The following ARHGAP42 variants were observed in gnomAD, a reference collection of about 807,000 sequenced individuals.
ARHGAP42 encodes the protein Rho GTPase activating protein 42.
ARHGAP42 carries 63 observed loss-of-function variants against 125.0 expected under a neutral mutation model. The ratio of observed to expected loss-of-function variants is 0.50; its 90% confidence interval spans 0.41 to 0.62. The LOEUF is 0.62. Ranked by LOEUF, ARHGAP42 falls within the 20% of genes least tolerant of loss-of-function variation. ARHGAP42 has a pLI of 0.00. For missense variants in ARHGAP42, 766 were observed against 1,024.2 expected, an observed-to-expected ratio of 0.75 and a Z score of 3.44; for synonymous variants, 339 against 351.0, an observed-to-expected ratio of 0.97 and a Z score of 0.38.
intron 6 of ARHGAP42, among the ~76,000 whole-genome samples, chr11:100,927,925 A>C (rs1214305818): frequency 6.6e-6 from 1 of 152,108 alleles, no homozygotes; most frequent in Non-Finnish European, 1.5e-5. Flanking sequence ...GCCACTTTCC[A>C]TTCTTGGCTC....
intron 1 of ARHGAP42, among the ~76,000 whole-genome samples, chr11:100,731,917 ACTCT>A (rs781782242): frequency 1.4e-5 from 2 of 146,466 alleles, no homozygotes; most frequent in Non-Finnish European, 3.0e-5. Flanking sequence ...AGCACTTATC[ACTCT>A]CTAACACATT....
At chr11:100,742,811 T>A (rs761136626) in intron 1 of ARHGAP42, among the ~76,000 whole-genome samples, 53 of 152,196 alleles carry the variant, frequency 3.5e-4, no homozygotes, top group Non-Finnish European at 5.7e-4. Context: ...CCTTTTATCA[T>A]TATATTATGA....
At chr11:100,850,740 T>C (rs895296254) in intron 3 of ARHGAP42, among the ~76,000 whole-genome samples, 1 of 152,188 alleles carries the variant, frequency 6.6e-6, no homozygotes, top group African/African-American at 2.4e-5. Flanking sequence ...TGTACTTCTT[T>C]ATACTTAAAC....
At chr11:100,863,357 A>C (rs1865493115) in intron 4 of ARHGAP42, among the ~76,000 whole-genome samples, 1 of 152,196 alleles carries the variant, frequency 6.6e-6, no homozygotes, top group Non-Finnish European at 1.5e-5. Context: ...CTTCCACTGC[A>C]GTCAGCGACC....
At chr11:100,920,038 G>A (rs1220624345) in intron 5 of ARHGAP42, among the ~76,000 whole-genome samples, 1 of 152,168 alleles carries the variant, frequency 6.6e-6, no homozygotes, top group Non-Finnish European at 1.5e-5. Context: ...GTTCCAATAA[G>A]CGATGGTAAG....
intron 3 of ARHGAP42, among the ~76,000 whole-genome samples, chr11:100,822,874 A>G (rs141976807): frequency 0.014 from 2,153 of 152,252 alleles, 50 homozygotes; most frequent in African/African-American, 0.05. Context: ...ATTTATCCAT[A>G]TATAGCAGCC....
intron 3 of ARHGAP42, among the ~76,000 whole-genome samples, chr11:100,847,590 G>A (rs1044635422): frequency 1.3e-5 from 2 of 152,122 alleles, no homozygotes; most frequent in Non-Finnish European, 2.9e-5. Context: ...ATATAGGTGG[G>A]TCGTGAAACA....
At chr11:100,781,360 T>G (rs759299005) in intron 2 of ARHGAP42, among the ~76,000 whole-genome samples, 3 of 152,030 alleles carry the variant, frequency 2.0e-5, no homozygotes, top group Non-Finnish European at 4.4e-5. Flanking sequence ...AAATCACAAC[T>G]TTAGTATAGT....
chr11:100,930,037 T>G (rs1867531303), intron 6 of ARHGAP42, among the ~76,000 whole-genome samples: 1 of 152,246 alleles, frequency 6.6e-6, no homozygotes, highest in Non-Finnish European at 1.5e-5. Flanking sequence ...CCCTTGGGAA[T>G]AATAAAGTGC....
intron 3 of ARHGAP42, among the ~76,000 whole-genome samples, chr11:100,811,225 G>C (rs1864134488): frequency 6.6e-6 from 1 of 152,192 alleles, no homozygotes. Flanking sequence ...CAAAGTGCTA[G>C]GATGATAGGC....
chr11:100,770,402 A>G lies in ARHGAP42; in HGVS notation c.214A>G (p.Ile72Val). ...ATTGCAAGATTTCCAGTTTGAATGT[A>G]TTGGTGATGCTGAAACAGATGATGA... ...QSLQDFQFEC[I>V]GDAETDDEIS... The change falls in exon 2 of 24, where the codon ATT becomes GTT. Residue 72 changes from isoleucine to valine, a missense_variant. Transcript: ENST00000298815. The G allele has an allele frequency of 6.4e-7, 1 of 1,550,752 alleles. No homozygotes were observed. Among genetic ancestry groups the G allele is most frequent in the Non-Finnish European group, 8.7e-7 (1 of 1,146,490 alleles).
At position 100,921,585 on chromosome 11, in the gene ARHGAP42, A is replaced by T; in HGVS notation, c.578A>T (p.Lys193Met). ...ATTCAAGAGGTCCAAGAAAAAAAGA[A>T]GTTTGAATTTGTTGAACCGGTAAGT... ...FKIQEVQEKK[K>M]FEFVEPLLSF... The change falls in exon 6 of 24, where the codon AAG (lysine) becomes ATG (methionine). Residue 193 changes from lysine (K) to methionine (M), a missense_variant. Transcript: ENST00000298815. 1 of 1,541,928 alleles carries T rather than the reference A, an allele frequency of 6.5e-7. No homozygotes were observed. The highest frequency in any genetic ancestry group is 8.8e-7 in the Non-Finnish European group (1 of 1,141,618).
In ARHGAP42 at chr11:100,780,485, G is replaced by T. The variant is rs76977758; in HGVS notation, c.250+10047G>T. Among the ~76,000 whole-genome samples, 645 of 152,290 alleles carry T rather than the reference G, an allele frequency of 4.2e-3. 3 individuals are homozygous for T. Among genetic ancestry groups the T allele is most frequent in the African/African-American group, 0.015 (610 of 41,548 alleles). ...AAGCAATATTGCTGGTGCATTTGTG[G>T]ATATGGGCAGAACAGTGATGAAGTT... On this transcript the variant is annotated intron_variant, in intron 2 of 23. Coordinates refer to ENST00000298815, the MANE Select transcript of ARHGAP42 (RefSeq NM_152432.4).
At chr11:100,938,672 T>G (rs185642571) in intron 8 of ARHGAP42, among the ~76,000 whole-genome samples, 1 of 152,280 alleles carries the variant, frequency 6.6e-6, no homozygotes, top group East Asian at 1.9e-4. Flanking sequence ...CTCCTGTCTG[T>G]TCCCACCTAT....
At position 100,989,051 on chromosome 11, in the gene ARHGAP42, T is replaced by C; in HGVS notation, c.*250T>C. 2.0e-6 allele frequency: 1 copy of C among 488,792 alleles called. No individual in the cohort carries two copies. The highest frequency in any genetic ancestry group is 3.6e-6 in the Non-Finnish European group (1 of 273,978). 30.3% of individuals were successfully genotyped at this position (488,792 alleles called of 1,614,324 possible). A position where few individuals can be genotyped will look rare whatever the true frequency, so the allele number is the denominator to read the frequency against. Reference sequence around the variant, plus strand: ...GTGAAAAATGTGTTTTTGGATAATATGTAACTCTCCACAATGTCGCTTCCG... The same window carrying C: ...GTGAAAAATGTGTTTTTGGATAATACGTAACTCTCCACAATGTCGCTTCCG... On this transcript the variant is annotated 3_prime_UTR_variant, in exon 24 of 24. Transcript: ENST00000298815.
chr11:100,937,626 G>A (rs77751843), intron 8 of ARHGAP42, among the ~76,000 whole-genome samples: 2,886 of 152,176 alleles, frequency 0.019, 39 homozygotes, highest in Middle Eastern at 0.034. Context: ...GGTAGAGGAG[G>A]TACCATCCTT....
intron 17 of ARHGAP42, among the ~76,000 whole-genome samples, chr11:100,972,085 G>A (rs555152226): frequency 7.9e-5 from 12 of 152,288 alleles, no homozygotes; most frequent in African/African-American, 2.6e-4. Flanking sequence ...TAAGGAAAAC[G>A]TCAGTCAGCG....
In ARHGAP42 at chr11:100,907,097, T is replaced by C. The variant is rs1866758486; in HGVS notation, c.385-6355T>C. Among the ~76,000 whole-genome samples the C allele has an allele frequency of 2.0e-5, 3 of 152,340 alleles. No individual in the cohort carries two copies. The South Asian group carries it at 6.2e-4, about 32-fold the overall frequency. ...AAGACTTCACCCCTCTACAATCCCA[T>C]CAGTAGTACCTAAGGGTTCCTGTGT... On this transcript the variant is annotated intron_variant, in intron 4 of 23. Coordinates refer to ENST00000298815, the MANE Select transcript of ARHGAP42 (RefSeq NM_152432.4).
chr11:100,890,575 T>A (rs1045836988), intron 4 of ARHGAP42, among the ~76,000 whole-genome samples: 1 of 152,222 alleles, frequency 6.6e-6, no homozygotes. Context: ...ATCAGACTGC[T>A]TGACTGTCAT....
Sources: gnomAD v4.1 joint callset for allele counts (sites outside exome capture counted in the v4.1 genomes callset) on GRCh38, gnomAD v4.1.1 for gene constraint, MANE v1.5 for transcripts, NCBI Gene and HGNC (gene_info 2026-07-23, HGNC 2026-07-21) for gene names.